PDK1: variants seen among roughly 807,000 people sequenced by gnomAD.
PDK1 encodes [Pyruvate dehydrogenase (acetyl-transferring)] kinase isozyme 1, mitochondrial.
Under a neutral mutation model 54.2 loss-of-function variants are expected in PDK1, and 39 were observed. The ratio of observed to expected loss-of-function variants is 0.72; its 90% CI spans 0.56 to 0.94. The LOEUF (loss-of-function observed/expected upper bound fraction) is 0.94. Among genes scored for constraint, PDK1 ranks in the 40% least tolerant of loss-of-function variants. The pLI, the probability that PDK1 is intolerant of heterozygous loss-of-function variation, is 0.00. For synonymous variants in PDK1, 221 were observed against 207.1 expected, an observed-to-expected ratio of 1.07 and a Z score of -0.58; for missense variants, 552 against 566.0, an observed-to-expected ratio of 0.98 and a Z score of 0.25.
At chr2:172,621,570 ATTATATATGATATATGT>A in the PDK1 span, among the ~76,000 whole-genome samples, 128 of 147,016 alleles carry the variant, frequency 8.7e-4, 1 homozygote, top group East Asian at 0.013. Context: ...ATATATTTAT[ATTATATATGATATATGT>A]TTATATATGA....
At chr2:172,587,653 C>T (rs554138917) in intron 9 of PDK1, among the ~76,000 whole-genome samples, 29 of 149,710 alleles carry the variant, frequency 1.9e-4, no homozygotes, top group African/African-American at 4.6e-4. Context: ...AGTGGCTTGC[C>T]GCTGCTGGCT....
the PDK1 span, among the ~76,000 whole-genome samples, chr2:172,613,781 G>T: frequency 9.9e-5 from 15 of 152,274 alleles, no homozygotes; most frequent in Non-Finnish European, 2.1e-4. Flanking sequence ...GAGCCAGGGG[G>T]AGCCCTTCTC....
the PDK1 span, among the ~76,000 whole-genome samples, chr2:172,614,721 C>A: frequency 6.6e-6 from 1 of 152,146 alleles, no homozygotes; most frequent in African/African-American, 2.4e-5. Flanking sequence ...TCTTTTTCAC[C>A]CTTCACTTGT....
chr2:172,676,102 G>A, the PDK1 span, among the ~76,000 whole-genome samples: 1 of 152,056 alleles, frequency 6.6e-6, no homozygotes, highest in Non-Finnish European at 1.5e-5. Flanking sequence ...GAAAAAAATA[G>A]TTCTTTCAAA....
At chr2:172,621,809 C>G in the PDK1 span, among the ~76,000 whole-genome samples, 4 of 123,348 alleles carry the variant, frequency 3.2e-5, no homozygotes, top group South Asian at 9.6e-4. Flanking sequence ...ATGTTTATAT[C>G]TCATATGTAT....
chr2:172,608,937 C>A (rs1054258409), downstream of PDK1, among the ~76,000 whole-genome samples: 1 of 152,070 alleles, frequency 6.6e-6, no homozygotes, highest in African/African-American at 2.4e-5. Flanking sequence ...TTTTCATAAA[C>A]CACATTAAAT....
rs190587601 is a variant in PDK1 at position 172,598,429 on chromosome 2, G to A, written c.*2460G>A. 94 of 152,274 alleles carry A rather than the reference G, an allele frequency of 6.2e-4. No individual in the cohort carries two copies. Among genetic ancestry groups the A allele is most frequent in the African/African-American group, 2.2e-3 (90 of 41,564 alleles). 9.4% of individuals were successfully genotyped at this position (152,274 alleles called of 1,614,324 possible). On this transcript the variant is annotated 3_prime_UTR_variant, in exon 11 of 11. Transcript: ENST00000282077. ...AATATTCTGGGAGAGCTTTTTCCTA[G>A]TTGGTTTTAAATCATTGTGCCACCT... is the stretch of plus-strand genomic sequence containing the variant.
the PDK1 span, among the ~76,000 whole-genome samples, chr2:172,655,575 C>A: frequency 6.6e-6 from 1 of 152,228 alleles, no homozygotes; most frequent in Admixed American, 6.5e-5. Context: ...CTTGGTCATT[C>A]TGGAAGCAGC....
At chr2:172,586,472 C>A in intron 9 of PDK1, 84 bp downstream of exon 9, 1 of 757,166 alleles carries the variant, frequency 1.3e-6, no homozygotes, top group Non-Finnish European at 2.3e-6. Flanking sequence ...GTTAAGCCGT[C>A]ATGTAGGGTA....
intron 9 of PDK1, among the ~76,000 whole-genome samples, chr2:172,587,333 G>C (rs1690294178): frequency 6.6e-6 from 1 of 152,160 alleles, no homozygotes; most frequent in African/African-American, 2.4e-5. Flanking sequence ...TTCACGGAGA[G>C]TGTTACAGCT....
chr2:172,632,251 G>A, the PDK1 span, among the ~76,000 whole-genome samples: 1 of 151,460 alleles, frequency 6.6e-6, no homozygotes, highest in Non-Finnish European at 1.5e-5. Flanking sequence ...CAGCCTGGGT[G>A]ATAGAGTGAG....
At chr2:172,677,798 C>A in the PDK1 span, among the ~76,000 whole-genome samples, 1,009 of 152,292 alleles carry the variant, frequency 6.6e-3, 10 homozygotes, top group African/African-American at 0.022. Flanking sequence ...GTGAATAATA[C>A]TTAGATGGTC....
chr2:172,581,079 TATATG>T (rs1322979502), intron 8 of PDK1, among the ~76,000 whole-genome samples: 4 of 152,216 alleles, frequency 2.6e-5, no homozygotes, highest in Non-Finnish European at 5.9e-5. Flanking sequence ...GTGCATTAAT[TATATG>T]GTATATAAAT....
At chr2:172,584,585 T>C (rs994598476) in intron 8 of PDK1, among the ~76,000 whole-genome samples, 13 of 151,916 alleles carry the variant, frequency 8.6e-5, no homozygotes, top group Non-Finnish European at 1.5e-4. Context: ...TTGCATGCTT[T>C]TCTGCTTATT....
At chr2:172,642,787 A>ACTCCTCCTCCTCCTCCTC in the PDK1 span, among the ~76,000 whole-genome samples, 5 of 144,058 alleles carry the variant, frequency 3.5e-5, no homozygotes, top group South Asian at 6.6e-4. Flanking sequence ...TCCTCCTCCC[A>ACTCCTCCTCCTCCTCCTC]CTCCTCCTCC....
chr2:172,653,850 G>A, the PDK1 span, among the ~76,000 whole-genome samples: 1 of 152,178 alleles, frequency 6.6e-6, no homozygotes, highest in East Asian at 1.9e-4. Context: ...CTACAGAACG[G>A]GAGAAAATTT....
chr2:172,579,787 T>C (rs1297991335), intron 8 of PDK1, among the ~76,000 whole-genome samples: 3 of 152,026 alleles, frequency 2.0e-5, no homozygotes, highest in African/African-American at 7.2e-5. Flanking sequence ...CTTACTGGGC[T>C]GTGGTCTTTG....
At chr2:172,674,746 C>T in the PDK1 span, 10 of 152,212 alleles carry the variant, frequency 6.6e-5, no homozygotes, top group African/African-American at 2.2e-4. Context: ...CCGCCCTTGT[C>T]CCGTCTGAAC....
chr2:172,723,032 T>C, the PDK1 span, among the ~76,000 whole-genome samples: 3 of 152,076 alleles, frequency 2.0e-5, no homozygotes, highest in Admixed American at 1.3e-4. Flanking sequence ...ATTTTAATTG[T>C]TGGGATTGTG....
Sources: allele counts gnomAD v4.1 joint callset (sites outside exome capture counted in the v4.1 genomes callset), GRCh38; gene constraint gnomAD v4.1.1; transcripts MANE v1.5; gene names NCBI Gene and HGNC (gene_info 2026-07-23, HGNC 2026-07-21).